The following PCDHGB7 variants were observed in gnomAD, a reference collection of about 807,000 sequenced individuals.
PCDHGB7 encodes the protein protocadherin gamma-B7.
PCDHGB7 carries 37 observed loss-of-function variants against 61.4 expected under a neutral mutation model. The ratio of observed to expected loss-of-function variants is 0.60; its 90% CI spans 0.46 to 0.79. The LOEUF is 0.79. Among genes scored for constraint, PCDHGB7 ranks in the 30% least tolerant of loss-of-function variants. The probability of loss-of-function intolerance (pLI) is 0.00; values close to 1 mark genes in which losing one functional copy is unlikely to be tolerated. For missense variants in PCDHGB7, 1,166 were observed against 1,202.5 expected (o/e 0.97, Z 0.45); for synonymous variants, 464 against 503.5 (o/e 0.92, Z 1.05).
intron 1 of PCDHGB7, chr5:141,424,285 T>A (rs573116321): frequency 6.5e-6 from 1 of 152,894 alleles, no homozygotes; most frequent in South Asian, 2.1e-4. Context: ...CTTTGTCTCA[T>A]TTCTTCATCC....
Position 141,491,992 on chromosome 5 carries a change from T to G in PCDHGB7, c.2416-2815T>G. ...GGCCTCCTTCGAGCTTCCGGTGAAT[T>G]TCGGGCGATTTCCGCGGGTGTCGGG... On this transcript the variant is annotated intron_variant, in intron 1 of 3. Transcript: ENST00000398594. This position sits in a 1 kb window ranked among gnomAD's most constrained non-coding sequence, Gnocchi z 6.9. The G allele has an allele frequency of 1.5e-6, 1 of 684,982 alleles. No homozygotes were observed. The highest frequency in any genetic ancestry group is 2.3e-6 in the Non-Finnish European group (1 of 443,370). The allele number at this position is 684,982 out of a possible 1,614,324, so 42.4% of individuals were successfully genotyped here.
chr5:141,450,608 T>C (rs916441293), intron 1 of PCDHGB7, among the ~76,000 whole-genome samples: 5 of 151,776 alleles, frequency 3.3e-5, no homozygotes, highest in Admixed American at 2.6e-4. Flanking sequence ...TGCCTCAGCC[T>C]CCTGAGTAGC....
chr5:141,463,382 T>C (rs2099057893), intron 1 of PCDHGB7, among the ~76,000 whole-genome samples: 1 of 151,594 alleles, frequency 6.6e-6, no homozygotes, highest in Admixed American at 6.6e-5. Context: ...AGTCTGAAAG[T>C]TGTCTCCAGG....
Position 141,477,230 on chromosome 5 carries a change from G to A in PCDHGB7, c.2416-17577G>A, listed in dbSNP as rs768648952. The A allele has an allele frequency of 1.3e-5, 21 of 1,614,164 alleles. No individual in the cohort carries two copies. The highest frequency in any genetic ancestry group is 1.8e-5 in the Non-Finnish European group (21 of 1,180,046). On this transcript the variant is annotated intron_variant, in intron 1 of 3. Coordinates refer to ENST00000398594, the MANE Select transcript of PCDHGB7 (RefSeq NM_018927.4). This position sits in a 1 kb window ranked among gnomAD's most constrained non-coding sequence, Gnocchi z 4.9. ...GGATGCCCCTCTGGGGACTGTCATC[G>A]CTTTGCTCAGTGTGACTGACCTGGA...
chr5:141,505,591 G>C (rs2099846959), intron 3 of PCDHGB7, 110 bp downstream of exon 3: 2 of 1,570,280 alleles, frequency 1.3e-6, no homozygotes, highest in African/African-American at 2.7e-5. Flanking sequence ...AGTTTCTCCA[G>C]ATCTTTCGGC....
At position 141,432,871 on chromosome 5, in the gene PCDHGB7, C is replaced by T. The variant is rs1190891661; in HGVS notation, c.2415+12597C>T. On this transcript the variant is annotated intron_variant, in intron 1 of 3. Transcript: ENST00000398594. This position sits in a 1 kb window ranked among gnomAD's most constrained non-coding sequence, Gnocchi z 6.0. ...CGGTGGCCGCGGTCTCCTGCGTCTT[C>T]CTGGCCTTCGTCATCTTGCTGCTGG... 1 of 1,614,216 alleles carries T rather than the reference C, an allele frequency of 6.2e-7. No homozygotes were observed. Among genetic ancestry groups the T allele is most frequent in the Non-Finnish European group, 8.5e-7 (1 of 1,180,018 alleles).
intron 1 of PCDHGB7, chr5:141,427,902 C>G: frequency 6.4e-7 from 1 of 1,573,742 alleles, no homozygotes; most frequent in South Asian, 1.1e-5. Flanking sequence ...CTCGCCCGCG[C>G]TCAGCGCCAA....
At chr5:141,482,442 C>A (rs942933015) in intron 1 of PCDHGB7, among the ~76,000 whole-genome samples, 23 of 147,678 alleles carry the variant, frequency 1.6e-4, no homozygotes, top group African/African-American at 5.6e-4. Context: ...CTGATATTCA[C>A]CATTTATTAG....
intron 1 of PCDHGB7, among the ~76,000 whole-genome samples, chr5:141,492,760 C>T (rs991820569): frequency 1.3e-5 from 2 of 152,212 alleles, no homozygotes; most frequent in Admixed American, 1.3e-4. Context: ...CAGGGCTCCG[C>T]GTTGGGCGAG....
At position 141,477,226 on chromosome 5, in the gene PCDHGB7, C is replaced by G. The variant is rs779570150; in HGVS notation, c.2416-17581C>G. 59 of 1,614,076 alleles carry G rather than the reference C, an allele frequency of 3.7e-5. No homozygotes were observed. The highest frequency in any genetic ancestry group is 1.3e-4 in the Admixed American group (8 of 60,004). On this transcript the variant is annotated intron_variant, in intron 1 of 3. Coordinates refer to ENST00000398594, the MANE Select transcript of PCDHGB7 (RefSeq NM_018927.4). This position sits in a 1 kb window ranked among gnomAD's most constrained non-coding sequence, Gnocchi z 4.9. ...CCGAGGATGCCCCTCTGGGGACTGT[C>G]ATCGCTTTGCTCAGTGTGACTGACC...
intron 1 of PCDHGB7, among the ~76,000 whole-genome samples, chr5:141,461,980 C>G (rs759291534): frequency 9.2e-5 from 14 of 152,176 alleles, no homozygotes; most frequent in Non-Finnish European, 1.5e-4. Flanking sequence ...TATGCCACCA[C>G]GCCAGGCTAA....
At position 141,494,885 on chromosome 5, in the gene PCDHGB7, G is replaced by T; in HGVS notation, c.2474+20G>T. The T allele has an allele frequency of 6.8e-6, 11 of 1,614,082 alleles. No homozygotes were observed. The highest frequency in any genetic ancestry group is 8.5e-6 in the Non-Finnish European group (10 of 1,179,992). Reference sequence around the variant, plus strand: ...CAGCGGGTAGGTGACTGATTCTCCAGCCCACCCTCTTCTCTGCGGCATTTT... The same window carrying T: ...CAGCGGGTAGGTGACTGATTCTCCATCCCACCCTCTTCTCTGCGGCATTTT... On this transcript the variant is annotated intron_variant, in intron 2 of 3. Transcript: ENST00000398594.
Position 141,431,478 on chromosome 5 carries a change from C to T in PCDHGB7, c.2415+11204C>T, listed in dbSNP as rs1163422580. On this transcript the variant is annotated intron_variant, in intron 1 of 3. Coordinates refer to ENST00000398594, the MANE Select transcript of PCDHGB7 (RefSeq NM_018927.4). The surrounding 1 kb of genome is among the most constrained non-coding windows in gnomAD (Gnocchi z 4.8). ...GTTCTGGATGCGAACGACAACGCAC[C>T]AGCGTTTGCTCAGCCCGAGTACCGC... The T allele has an allele frequency of 6.2e-7, 1 of 1,613,748 alleles. No individual in the cohort carries two copies. The highest frequency in any genetic ancestry group is 8.5e-7 in the Non-Finnish European group (1 of 1,179,976).
chr5:141,433,357 G>GCCTA, intron 1 of PCDHGB7: 1 of 569,056 alleles, frequency 1.8e-6, no homozygotes, highest in Non-Finnish European at 3.1e-6. Context: ...CCTACTGTCT[G>GCCTA]CCTATCTATC....
intron 3 of PCDHGB7, 78 bp from the exon 4 acceptor site, chr5:141,510,869 T>C: frequency 9.3e-6 from 15 of 1,608,708 alleles, no homozygotes; most frequent in Non-Finnish European, 1.3e-5. Flanking sequence ...AGGCATTCAT[T>C]AACTGCTGGG....
intron 1 of PCDHGB7, among the ~76,000 whole-genome samples, chr5:141,468,946 C>G: frequency 7.0e-6 from 1 of 141,900 alleles, no homozygotes; most frequent in Non-Finnish European, 1.5e-5. Context: ...ATGGGGTAAA[C>G]CTGTGGTTTT....
Position 141,431,021 on chromosome 5 carries a change from G to A in PCDHGB7, c.2415+10747G>A. On this transcript the variant is annotated intron_variant, in intron 1 of 3. Coordinates refer to ENST00000398594, the MANE Select transcript of PCDHGB7 (RefSeq NM_018927.4). This position sits in a 1 kb window ranked among gnomAD's most constrained non-coding sequence, Gnocchi z 4.8. ...GCGCAGCGGCAGCTTGGTCACGGCG[G>A]GCAGGATAGACCGGGAGGAGCTCTG... is the stretch of plus-strand genomic sequence containing the variant. 1 of 1,613,940 alleles carries A rather than the reference G, an allele frequency of 6.2e-7. No individual in the cohort carries two copies. Among genetic ancestry groups the A allele is most frequent in the Non-Finnish European group, 8.5e-7 (1 of 1,179,936 alleles).
At position 141,476,719 on chromosome 5, in the gene PCDHGB7, C is replaced by T; in HGVS notation, c.2416-18088C>T. ...ACGCGGAGCTGGTGTTGGAGCGCGC[C>T]CTGGACCGAGAACGGGAGCCTAGTC... On this transcript the variant is annotated intron_variant, in intron 1 of 3. Coordinates refer to ENST00000398594, the MANE Select transcript of PCDHGB7 (RefSeq NM_018927.4). The surrounding 1 kb of genome is among the most constrained non-coding windows in gnomAD (Gnocchi z 7.6). The T allele has an allele frequency of 6.2e-7, 1 of 1,614,154 alleles. No homozygotes were observed.
chr5:141,447,329 G>A (rs1328071539), intron 1 of PCDHGB7, among the ~76,000 whole-genome samples: 6 of 151,732 alleles, frequency 4.0e-5, no homozygotes, highest in Admixed American at 1.3e-4. Context: ...TAGTAGAGAC[G>A]GGTTTCATCA....
Sources: gnomAD v4.1 joint callset for allele counts (sites outside exome capture counted in the v4.1 genomes callset) on GRCh38, gnomAD v4.1.1 for gene constraint, Gnocchi (gnomAD v3.1) non-coding constraint, MANE v1.5 for transcripts, NCBI Gene and HGNC (gene_info 2026-07-23, HGNC 2026-07-21) for gene names.